The following IQCM variants were observed in gnomAD, a reference collection of about 807,000 sequenced individuals.
The protein encoded by IQCM is IQ motif containing M.
Under a neutral mutation model 57.6 loss-of-function variants are expected in IQCM, and 45 were observed. The observed-to-expected ratio is 0.78, with a 90% CI of 0.62 to 1.00. The LOEUF is 1.00. IQCM is among the 50% of genes least tolerant of loss of function. The pLI, the probability that IQCM is intolerant of heterozygous loss-of-function variation, is 0.00. For missense variants in IQCM, 468 were observed against 511.6 expected (o/e 0.91, Z 0.82); for synonymous variants, 148 against 158.9 (o/e 0.93, Z 0.51).
At chr4:149,388,269 A>G (rs990697148) in intron 13 of IQCM, among the ~76,000 whole-genome samples, 6 of 151,680 alleles carry the variant, frequency 4.0e-5, no homozygotes, top group Non-Finnish European at 8.8e-5. Flanking sequence ...ACTGTTTTCC[A>G]AATTGCACCA....
At chr4:149,596,614 G>C (rs1347734289) in intron 8 of IQCM, among the ~76,000 whole-genome samples, 1 of 152,122 alleles carries the variant, frequency 6.6e-6, no homozygotes, top group Non-Finnish European at 1.5e-5. Context: ...TGTAGAAAGA[G>C]AGAGACTGTG....
intron 13 of IQCM, among the ~76,000 whole-genome samples, chr4:149,393,910 C>G (rs1306520433): frequency 1.3e-5 from 2 of 151,724 alleles, no homozygotes; most frequent in African/African-American, 4.8e-5. Context: ...TAAGAATGAG[C>G]AAAGAAAATG....
At chr4:149,463,628 A>G (rs1738538277) in intron 12 of IQCM, among the ~76,000 whole-genome samples, 1 of 152,210 alleles carries the variant, frequency 6.6e-6, no homozygotes, top group Non-Finnish European at 1.5e-5. Flanking sequence ...TGGCTAAATT[A>G]AAAGTCCCTA....
chr4:149,456,925 T>C (rs1479858310), intron 12 of IQCM, among the ~76,000 whole-genome samples: 3 of 152,088 alleles, frequency 2.0e-5, no homozygotes, highest in Non-Finnish European at 4.4e-5. Context: ...AGCCCAGTGG[T>C]GTCCCAGGCA....
At chr4:149,398,168 T>A (rs991832597) in intron 13 of IQCM, among the ~76,000 whole-genome samples, 2 of 152,030 alleles carry the variant, frequency 1.3e-5, no homozygotes, top group Non-Finnish European at 2.9e-5. Flanking sequence ...CTTGGTGCCC[T>A]TATTGAAGAT....
chr4:149,659,718 T>C (rs374417013), intron 7 of IQCM, among the ~76,000 whole-genome samples: 27 of 151,688 alleles, frequency 1.8e-4, no homozygotes, highest in Non-Finnish European at 3.4e-4. Flanking sequence ...CTGAGAAAAA[T>C]AAGCAATGGG....
At chr4:149,538,190 T>A (rs1247172465) in intron 12 of IQCM, among the ~76,000 whole-genome samples, 1 of 151,652 alleles carries the variant, frequency 6.6e-6, no homozygotes, top group Non-Finnish European at 1.5e-5. Context: ...TAAAACTATA[T>A]TGCTAGGCTT....
chr4:149,748,033 C>G lies in IQCM; in HGVS notation c.-48-5294G>C, dbSNP rs145437197. 2.0e-3 allele frequency among the ~76,000 whole-genome samples: 301 copies of G among 152,250 alleles called. 3 individuals are homozygous for G. Among genetic ancestry groups the G allele is most frequent in the African/African-American group, 6.8e-3 (283 of 41,558 alleles). ...CTCTGAATCCTACCTCGTCTAGAAG[C>G]AAAAGATTTAAAATAGACCCATAAT... On this transcript the variant is annotated intron_variant, in intron 2 of 13. Coordinates refer to ENST00000636793, the MANE Select transcript of IQCM (RefSeq NM_001363507.2).
intron 13 of IQCM, among the ~76,000 whole-genome samples, chr4:149,408,960 G>A (rs1020135952): frequency 2.0e-5 from 3 of 152,044 alleles, no homozygotes; most frequent in Non-Finnish European, 2.9e-5. Context: ...TGTACACATC[G>A]CAACCTTTAA....
intron 12 of IQCM, among the ~76,000 whole-genome samples, chr4:149,438,088 C>A (rs948617799): frequency 2.6e-5 from 4 of 151,850 alleles, no homozygotes; most frequent in Non-Finnish European, 5.9e-5. Flanking sequence ...GTTATTAAAC[C>A]AAAATGGTAG....
Position 149,737,363 on chromosome 4 carries a change from ATAAT to A in IQCM, c.38-1909_38-1906del, listed in dbSNP as rs1338705904. ...TCAAAAGAAGAAAAACTATAAAGAA[ATAAT>A]TAATTCTAACTAATGATATGCATGT... On this transcript the variant is annotated intron_variant, in intron 3 of 13. Coordinates refer to ENST00000636793, the MANE Select transcript of IQCM (RefSeq NM_001363507.2). Among the ~76,000 whole-genome samples, 4 of 152,340 alleles carry A rather than the reference ATAAT, an allele frequency of 2.6e-5. No homozygotes were observed. The East Asian group carries it at 5.8e-4, about 22-fold the overall frequency.
At chr4:149,438,493 G>T (rs1329822793) in intron 12 of IQCM, among the ~76,000 whole-genome samples, 1 of 152,008 alleles carries the variant, frequency 6.6e-6, no homozygotes, top group Non-Finnish European at 1.5e-5. Context: ...GTTTTTAAAT[G>T]CTGTGCTTTT....
intron 7 of IQCM, among the ~76,000 whole-genome samples, chr4:149,661,162 A>G (rs907908945): frequency 6.6e-6 from 1 of 152,164 alleles, no homozygotes; most frequent in Non-Finnish European, 1.5e-5. Flanking sequence ...AGTTTTTATC[A>G]GGAAATGATG....
intron 13 of IQCM, among the ~76,000 whole-genome samples, chr4:149,392,293 G>A (rs1024812742): frequency 4.0e-5 from 6 of 151,882 alleles, no homozygotes; most frequent in Non-Finnish European, 5.9e-5. Context: ...AAAAATAAAC[G>A]GAGATACATA....
chr4:149,812,791 A>G (rs1308871639), intron 2 of IQCM, among the ~76,000 whole-genome samples: 3 of 152,168 alleles, frequency 2.0e-5, no homozygotes, highest in African/African-American at 7.2e-5. Context: ...TTTCACTGAC[A>G]TAAATTGAAG....
chr4:149,803,784 G>A (rs562173492), intron 2 of IQCM, among the ~76,000 whole-genome samples: 1 of 151,776 alleles, frequency 6.6e-6, no homozygotes, highest in South Asian at 2.1e-4. Context: ...GTCATCTCTG[G>A]GTTTCCCTAC....
At chr4:149,722,306 C>T (rs1765515093) in intron 5 of IQCM, among the ~76,000 whole-genome samples, 2 of 151,878 alleles carry the variant, frequency 1.3e-5, no homozygotes, top group Admixed American at 1.3e-4. Context: ...TAATTGGGTC[C>T]CATTAATTTA....
intron 13 of IQCM, among the ~76,000 whole-genome samples, chr4:149,396,035 A>G (rs1214210716): frequency 2.6e-5 from 4 of 151,962 alleles, no homozygotes; most frequent in African/African-American, 9.7e-5. Flanking sequence ...TTAAATTTCT[A>G]TATTTTTAGT....
chr4:149,658,636 G>A (rs780093828), intron 7 of IQCM, among the ~76,000 whole-genome samples: 2 of 151,816 alleles, frequency 1.3e-5, no homozygotes, highest in African/African-American at 4.8e-5. Context: ...CCATTTATTT[G>A]TGCCTTCCTC....
Sources: gnomAD v4.1 joint callset for allele counts (sites outside exome capture counted in the v4.1 genomes callset) on GRCh38, gnomAD v4.1.1 for gene constraint, MANE v1.5 for transcripts, NCBI Gene and HGNC (gene_info 2026-07-23, HGNC 2026-07-21) for gene names.